The following FIP1L1 variants were observed in gnomAD, a reference collection of about 807,000 sequenced individuals.
FIP1L1 encodes pre-mRNA 3'-end-processing factor FIP1.
A neutral mutation model predicts 84.6 loss-of-function variants in FIP1L1; 21 were observed. That is an observed-to-expected ratio of 0.25 (90% confidence interval 0.18 to 0.36). The LOEUF (loss-of-function observed/expected upper bound fraction) is 0.36, where lower values mean the gene tolerates loss of function less well. Ranked by LOEUF, FIP1L1 falls within the 10% of genes least tolerant of loss-of-function variation. The pLI is 1.00. For missense variants in FIP1L1, 526 were observed against 751.1 expected, an observed-to-expected ratio of 0.70 and a Z score of 3.50; for synonymous variants, 263 against 242.3, an observed-to-expected ratio of 1.09 and a Z score of -0.80.
intron 9 of FIP1L1, among the ~76,000 whole-genome samples, chr4:53,393,764 G>GCCCCC (rs35029503): frequency 1.7e-4 from 15 of 87,976 alleles, no homozygotes; most frequent in Admixed American, 6.3e-4. Context: ...TTTCCCCCCG[G>GCCCCC]CCCCCCCCCC....
chr4:53,427,787 AGTT>A (rs933111437), intron 12 of FIP1L1, among the ~76,000 whole-genome samples: 8 of 152,156 alleles, frequency 5.3e-5, no homozygotes, highest in African/African-American at 1.4e-4. Flanking sequence ...GTAATGATCC[AGTT>A]GTTTTTTCTT....
chr4:53,399,653 CTTATT>C, intron 9 of FIP1L1, 72 bp from the exon 10 acceptor site: 1 of 894,988 alleles, frequency 1.1e-6, no homozygotes, highest in East Asian at 2.4e-5. Context: ...ATGTTGTAAA[CTTATT>C]TTAACATCTA....
At chr4:53,413,217 C>T (rs1040039254) in intron 10 of FIP1L1, among the ~76,000 whole-genome samples, 1 of 151,292 alleles carries the variant, frequency 6.6e-6, no homozygotes, top group African/African-American at 2.4e-5. Flanking sequence ...CCAGGCTTAT[C>T]TTGTAGTTTC....
Position 53,399,716 on chromosome 4 carries a change from CT to C in FIP1L1, c.706-4del, listed in dbSNP as rs369079997. On this transcript the variant is annotated splice_polypyrimidine_tract_variant and intron_variant, in intron 9 of 17. Coordinates refer to ENST00000337488, the MANE Select transcript of FIP1L1 (RefSeq NM_030917.4). ...CTGTTAAATTCAACAAGCTAATAACCTTTTTTTTTTAAGGTACAGCAGGGAA... is the reference window on the plus strand; with the variant it reads ...CTGTTAAATTCAACAAGCTAATAACCTTTTTTTTTAAGGTACAGCAGGGAA... 12,888 of 1,215,418 alleles carry C rather than the reference CT, an allele frequency of 0.011. No homozygotes were observed. The highest frequency in any genetic ancestry group is 0.016 in the South Asian group (1,039 of 65,568). The allele number at this position is 1,215,418 out of a possible 1,614,324, so 75.3% of individuals were successfully genotyped here.
At chr4:53,415,385 A>G (rs1340511654) in intron 11 of FIP1L1, among the ~76,000 whole-genome samples, 2 of 152,192 alleles carry the variant, frequency 1.3e-5, no homozygotes, top group Admixed American at 6.5e-5. Flanking sequence ...CTATGTTCCA[A>G]TATGAAACTA....
chr4:53,411,718 A>G (rs1227999459), intron 10 of FIP1L1, among the ~76,000 whole-genome samples: 1 of 152,116 alleles, frequency 6.6e-6, no homozygotes, highest in Non-Finnish European at 1.5e-5. Flanking sequence ...CTTGCACAGA[A>G]CTTTTAAAAA....
At chr4:53,431,380 G>A (rs1242685153) in intron 13 of FIP1L1, among the ~76,000 whole-genome samples, 1 of 152,110 alleles carries the variant, frequency 6.6e-6, no homozygotes, top group African/African-American at 2.4e-5. Flanking sequence ...TTAAAGTATT[G>A]CCTTAAAAGA....
At chr4:53,414,586 G>GA (rs1207617384) in intron 10 of FIP1L1, 29 bp from the exon 11 acceptor site, 5 of 1,516,562 alleles carry the variant, frequency 3.3e-6, no homozygotes, top group South Asian at 2.3e-5. Context: ...CAATATGTAA[G>GA]AAAAAACATA....
chr4:53,444,206 G>A, intron 15 of FIP1L1, 103 bp downstream of exon 15: 1 of 752,818 alleles, frequency 1.3e-6, no homozygotes. Flanking sequence ...ATCTTACAGA[G>A]CAATTAAAAA....
At position 53,459,478 on chromosome 4, in the gene FIP1L1, G is replaced by C. The variant is rs773487329; in HGVS notation, c.*29G>C. 6.2e-7 allele frequency: 1 copy of C among 1,612,780 alleles called. No homozygotes were observed. The highest frequency in any genetic ancestry group is 1.1e-5 in the South Asian group (1 of 91,046). On this transcript the variant is annotated 3_prime_UTR_variant, in exon 18 of 18. Transcript: ENST00000337488. ...TGGTTTTGGCCTTTTGTGTATATTA[G>C]TACCAGAAGTAGATACTATAAATCT...
intron 17 of FIP1L1, 82 bp downstream of exon 17, chr4:53,458,872 T>A (rs1357794996): frequency 5.4e-6 from 8 of 1,474,094 alleles, no homozygotes; most frequent in Admixed American, 4.3e-5. Flanking sequence ...AGAGGGGAAA[T>A]TTTGGCCTAT....
chr4:53,399,264 A>G (rs1406897460), intron 9 of FIP1L1, among the ~76,000 whole-genome samples: 1 of 152,250 alleles, frequency 6.6e-6, no homozygotes, highest in Non-Finnish European at 1.5e-5. Context: ...GTAGCAGATT[A>G]TTCACATTTG....
chr4:53,460,784 CT>C lies in FIP1L1; in HGVS notation c.*1339del. ...AACTGGCTTTCATTAGATGATCATA[CT>C]TTTCCTGACATTTTTACAATGTATT... On this transcript the variant is annotated 3_prime_UTR_variant, in exon 18 of 18. Transcript: ENST00000337488. 1 of 1,040,218 alleles carries C rather than the reference CT, an allele frequency of 9.6e-7. No homozygotes were observed. The highest frequency in any genetic ancestry group is 2.7e-4 in the Middle Eastern group (1 of 3,722). 64.4% of individuals were successfully genotyped at this position (1,040,218 alleles called of 1,614,324 possible).
intron 10 of FIP1L1, among the ~76,000 whole-genome samples, chr4:53,400,870 A>G (rs965698772): frequency 5.3e-5 from 8 of 152,236 alleles, no homozygotes; most frequent in Non-Finnish European, 1.0e-4. Flanking sequence ...GTAGTAATAT[A>G]TAATATTGTA....
intron 11 of FIP1L1, among the ~76,000 whole-genome samples, chr4:53,419,190 C>T (rs1761100672): frequency 6.6e-6 from 1 of 152,040 alleles, no homozygotes; most frequent in Non-Finnish European, 1.5e-5. Context: ...ACACTTATGT[C>T]CTCCAGTGAG....
intron 5 of FIP1L1, among the ~76,000 whole-genome samples, chr4:53,386,382 C>A (rs1741103685): frequency 2.0e-5 from 3 of 152,208 alleles, no homozygotes; most frequent in South Asian, 2.1e-4. Context: ...TACATGAAAG[C>A]AGCAATTTTT....
chr4:53,414,330 T>G (rs1758484261), intron 10 of FIP1L1, among the ~76,000 whole-genome samples: 1 of 152,122 alleles, frequency 6.6e-6, no homozygotes, highest in South Asian at 2.1e-4. Flanking sequence ...GATTAATGTA[T>G]TGTAACCTGA....
intron 13 of FIP1L1, among the ~76,000 whole-genome samples, chr4:53,434,503 T>C (rs1424625533): frequency 6.6e-6 from 1 of 151,256 alleles, no homozygotes; most frequent in Non-Finnish European, 1.5e-5. Flanking sequence ...TGAAGTTTTG[T>C]TCTTGTTGCC....
chr4:53,421,653 G>A (rs1762472870), intron 11 of FIP1L1, among the ~76,000 whole-genome samples: 2 of 152,146 alleles, frequency 1.3e-5, no homozygotes, highest in Admixed American at 1.3e-4. Context: ...CCTTTGAACT[G>A]TTTGCTGCCC....
Sources: allele counts gnomAD v4.1 joint callset (sites outside exome capture counted in the v4.1 genomes callset), GRCh38; gene constraint gnomAD v4.1.1; transcripts MANE v1.5; gene names NCBI Gene and HGNC (gene_info 2026-07-23, HGNC 2026-07-21).